ZFHX4: variants seen among roughly 807,000 people sequenced by gnomAD.
ZFHX4 encodes zinc finger homeobox protein 4.
A neutral mutation model predicts 267.6 loss-of-function variants in ZFHX4; 56 were observed. The observed-to-expected ratio is 0.21, with a 90% CI of 0.17 to 0.26. The LOEUF (loss-of-function observed/expected upper bound fraction) is 0.26. Among genes scored for constraint, ZFHX4 ranks in the 10% least tolerant of loss-of-function variants. The pLI, the probability that ZFHX4 is intolerant of heterozygous loss-of-function variation, is 1.00. For synonymous variants in ZFHX4, 1,778 were observed against 1,665.6 expected, an observed-to-expected ratio of 1.07 and a Z score of -1.64; for missense variants, 4,332 against 4,420.0, an observed-to-expected ratio of 0.98 and a Z score of 0.56.
chr8:76,749,818 A>C (rs1229326378), intron 3 of ZFHX4, among the ~76,000 whole-genome samples: 4 of 152,192 alleles, frequency 2.6e-5, no homozygotes, highest in Non-Finnish European at 4.4e-5. Flanking sequence ...ATTCAACACA[A>C]ATAAAATAAT....
chr8:76,775,769 T>C (rs1810385171), intron 3 of ZFHX4, among the ~76,000 whole-genome samples: 1 of 152,146 alleles, frequency 6.6e-6, no homozygotes, highest in African/African-American at 2.4e-5. Flanking sequence ...TTGTGCATTG[T>C]TCATTAGCCT....
At chr8:76,703,913 C>T (rs917433200) in intron 1 of ZFHX4, 130 bp from the exon 2 acceptor site, 7 of 661,968 alleles carry the variant, frequency 1.1e-5, no homozygotes, top group African/African-American at 3.6e-5. Flanking sequence ...ATAGGCACGC[C>T]GGTTTTAAGT....
rs1457619209 is a variant in ZFHX4 at position 76,854,698 on chromosome 8, AAAG to A, written c.7781_7783del (p.Glu2594del). 8.7e-6 allele frequency: 14 copies of A among 1,613,724 alleles called. No homozygotes were observed. The highest frequency in any genetic ancestry group is 3.3e-4 in the Middle Eastern group (2 of 6,084). ...TAAAGAAGATAATAATTGCAGTGAA[AAAG>A]AAGGAGGGAATAGCGGTGAAGACCA... On this transcript the variant is annotated inframe_deletion, in exon 10 of 11. Coordinates refer to ENST00000651372, the MANE Select transcript of ZFHX4 (RefSeq NM_024721.5).
chr8:76,709,199 G>A (rs983691126), intron 3 of ZFHX4, among the ~76,000 whole-genome samples: 1 of 151,956 alleles, frequency 6.6e-6, no homozygotes, highest in Admixed American at 6.6e-5. Flanking sequence ...TGTTTGGGTT[G>A]TTTCTTGAAG....
chr8:76,789,600 A>C (rs889510974), intron 4 of ZFHX4, among the ~76,000 whole-genome samples: 1 of 152,194 alleles, frequency 6.6e-6, no homozygotes, highest in Non-Finnish European at 1.5e-5. Flanking sequence ...TCTGTGGGTC[A>C]GAATTATCTA....
intron 1 of ZFHX4, among the ~76,000 whole-genome samples, chr8:76,690,754 T>C (rs2131582974): frequency 6.6e-6 from 1 of 151,956 alleles, no homozygotes; most frequent in African/African-American, 2.4e-5. Flanking sequence ...CACACACGTC[T>C]ACCCTCTTTC....
intron 4 of ZFHX4, among the ~76,000 whole-genome samples, chr8:76,786,321 A>G (rs1020141036): frequency 6.6e-6 from 1 of 151,208 alleles, no homozygotes; most frequent in Non-Finnish European, 1.5e-5. Context: ...ACTAGCTATC[A>G]GTTCTCATCT....
rs1812629790 is a variant in ZFHX4, at chr8:76,854,064, A to C, written c.7143A>C (p.Ala2381=). ...CTAAAAACGCTGCTGCCCCTGCAGC[A>C]AGTTCTGGCTCTGGGACCAGCACCC... ...DAAKNAAAPA[A]SSGSGTSTPL... Residue 2381 remains alanine (A), a synonymous_variant, in exon 10 of 11, where the codon GCA becomes GCC. Transcript: ENST00000651372. 1 of 1,613,950 alleles carries C rather than the reference A, an allele frequency of 6.2e-7. No homozygotes were observed. The highest frequency in any genetic ancestry group is 8.5e-7 in the Non-Finnish European group (1 of 1,179,870).
At chr8:76,702,339 C>T (rs760842057) in intron 1 of ZFHX4, among the ~76,000 whole-genome samples, 12 of 152,150 alleles carry the variant, frequency 7.9e-5, no homozygotes, top group Non-Finnish European at 1.8e-4. Context: ...CTATGCAGAT[C>T]TTTTAATGTT....
chr8:76,777,963 T>C (rs1810443577), intron 3 of ZFHX4, among the ~76,000 whole-genome samples: 1 of 151,974 alleles, frequency 6.6e-6, no homozygotes, highest in Admixed American at 6.6e-5. Flanking sequence ...TGGAAAACAG[T>C]TCCTCTTAGG....
chr8:76,730,752 C>T (rs1808987611), intron 3 of ZFHX4, among the ~76,000 whole-genome samples: 1 of 151,996 alleles, frequency 6.6e-6, no homozygotes, highest in Non-Finnish European at 1.5e-5. Flanking sequence ...CTGGGGTATG[C>T]AAACTTAATT....
chr8:76,816,784 C>T (rs373583553), intron 4 of ZFHX4, among the ~76,000 whole-genome samples: 3 of 151,704 alleles, frequency 2.0e-5, no homozygotes, highest in Non-Finnish European at 4.4e-5. Flanking sequence ...TTAGTAGAGA[C>T]GTGGTTTCTC....
chr8:76,730,084 A>G (rs1808960561), intron 3 of ZFHX4, among the ~76,000 whole-genome samples: 1 of 152,166 alleles, frequency 6.6e-6, no homozygotes, highest in Non-Finnish European at 1.5e-5. Flanking sequence ...TACTTCTGGA[A>G]TAATTGAATT....
At chr8:76,835,247 A>ATATGTATATATATATATG (rs1554572203) in intron 5 of ZFHX4, among the ~76,000 whole-genome samples, 31 of 138,770 alleles carry the variant, frequency 2.2e-4, no homozygotes, top group African/African-American at 7.9e-4. Context: ...ATATGTATAT[A>ATATGTATATATATATATG]TATATATATA....
chr8:76,721,179 A>ACAAATT (rs1303639137), intron 3 of ZFHX4, among the ~76,000 whole-genome samples: 2 of 152,090 alleles, frequency 1.3e-5, no homozygotes, highest in African/African-American at 4.8e-5. Context: ...GTGAGGGCTG[A>ACAAATT]CAAATTAGAA....
chr8:76,821,609 T>C lies in ZFHX4; in HGVS notation c.3326-11729T>C, dbSNP rs75816721. Among the ~76,000 whole-genome samples, 628 of 152,174 alleles carry C rather than the reference T, an allele frequency of 4.1e-3. 4 individuals are homozygous for C. Among genetic ancestry groups the C allele is most frequent in the African/African-American group, 0.014 (596 of 41,500 alleles). ...CCTCATTCCTGATCAGTTTTCTTCA[T>C]TGGTGCTTCCTTGTTTTGGGAGGAA... On this transcript the variant is annotated intron_variant, in intron 4 of 10. Coordinates refer to ENST00000651372, the MANE Select transcript of ZFHX4 (RefSeq NM_024721.5).
Position 76,856,080 on chromosome 8 carries a change from C to G in ZFHX4, c.9159C>G (p.Thr3053=). The change falls in exon 10 of 11, where the codon ACC becomes ACG. Residue 3053 remains threonine (T), a synonymous_variant. Coordinates refer to ENST00000651372, the MANE Select transcript of ZFHX4 (RefSeq NM_024721.5). ...LDREKDYLAP[T]TVRQLMAQQE... is the part of the protein sequence containing the mutation. ...GGGAGAAAGATTACTTGGCTCCGACCACGGTTCGGCAGCTGATGGCACAGC... is the reference window on the plus strand; with the variant it reads ...GGGAGAAAGATTACTTGGCTCCGACGACGGTTCGGCAGCTGATGGCACAGC... The G allele has an allele frequency of 6.2e-7, 1 of 1,613,942 alleles. No homozygotes were observed. Among genetic ancestry groups the G allele is most frequent in the Non-Finnish European group, 8.5e-7 (1 of 1,179,872 alleles).
At chr8:76,743,177 CCA>C (rs1809366889) in intron 3 of ZFHX4, among the ~76,000 whole-genome samples, 1 of 152,166 alleles carries the variant, frequency 6.6e-6, no homozygotes, top group Admixed American at 6.6e-5. Flanking sequence ...ACTAACACAG[CCA>C]CAGATTTCAG....
chr8:76,749,949 A>C (rs1293609416), intron 3 of ZFHX4, among the ~76,000 whole-genome samples: 2 of 152,190 alleles, frequency 1.3e-5, no homozygotes, highest in South Asian at 2.1e-4. Flanking sequence ...ATGCTATTTC[A>C]AAGCTATGTT....
Sources: allele counts gnomAD v4.1 joint callset (sites outside exome capture counted in the v4.1 genomes callset), GRCh38; gene constraint gnomAD v4.1.1; transcripts MANE v1.5; gene names NCBI Gene and HGNC (gene_info 2026-07-23, HGNC 2026-07-21).